NLRP7: variants seen among roughly 807,000 people sequenced by gnomAD.
NLRP7 encodes the protein NLR family pyrin domain containing 7.
NLRP7 carries 72 observed loss-of-function variants against 85.5 expected under a neutral mutation model. That is an observed-to-expected ratio of 0.84 (90% CI 0.70 to 1.02). The LOEUF is 1.02. Ranked by LOEUF, NLRP7 falls within the 50% of genes least tolerant of loss-of-function variation. The probability of loss-of-function intolerance (pLI) is 0.00; values close to 1 mark genes in which losing one functional copy is unlikely to be tolerated. For missense variants in NLRP7, 1,243 were observed against 1,219.5 expected, an observed-to-expected ratio of 1.02 and a Z score of -0.29; for synonymous variants, 550 against 505.2, an observed-to-expected ratio of 1.09 and a Z score of -1.19.
chr19:54,946,288 C>G (rs1436744129), intron 1 of NLRP7, among the ~76,000 whole-genome samples: 1 of 143,424 alleles, frequency 7.0e-6, no homozygotes, highest in Non-Finnish European at 1.5e-5. Context: ...CTCAGCTCAC[C>G]GCAACCTCCG....
chr19:54,924,160 G>T (rs1397556861), intron 9 of NLRP7, among the ~76,000 whole-genome samples: 1 of 152,094 alleles, frequency 6.6e-6, no homozygotes, highest in East Asian at 1.9e-4. Context: ...TAGAGATGGG[G>T]TTTCGACATG....
rs1268501689 is a variant in NLRP7, at chr19:54,934,732, CAG to C, written c.2301-75_2301-74del. ...CCCTATCAGCTTTTTTTTTTTGAGA[CAG>C]AGTTTCACTCTGTTGCCCAGTCTGG... is the stretch of plus-strand genomic sequence containing the variant. On this transcript the variant is annotated intron_variant, in intron 6 of 9. Transcript: ENST00000340844. The surrounding 1 kb of genome is among the most constrained non-coding windows in gnomAD (Gnocchi z 6.7). 4.8e-6 allele frequency: 6 copies of C among 1,244,916 alleles called. No homozygotes were observed. The highest frequency in any genetic ancestry group is 1.5e-5 in the African/African-American group (1 of 65,632). The allele number at this position is 1,244,916 out of a possible 1,614,324, so 77.1% of individuals were successfully genotyped here.
At chr19:54,952,558 C>T (rs976771115) in intron 1 of NLRP7, among the ~76,000 whole-genome samples, 6 of 150,654 alleles carry the variant, frequency 4.0e-5, no homozygotes, top group Admixed American at 3.3e-4. Flanking sequence ...CCTGCCACTG[C>T]ACTCCAGCCT....
intron 8 of NLRP7, among the ~76,000 whole-genome samples, chr19:54,932,979 C>G (rs1315709118): frequency 6.6e-6 from 1 of 152,124 alleles, no homozygotes; most frequent in Non-Finnish European, 1.5e-5. Context: ...ATAACTCAAT[C>G]TACCTCCAAT....
At chr19:54,926,205 G>GGGGTGT (rs375777486) in intron 9 of NLRP7, among the ~76,000 whole-genome samples, 40 of 143,744 alleles carry the variant, frequency 2.8e-4, no homozygotes, top group Non-Finnish European at 5.2e-4. Context: ...AATGATTAGG[G>GGGGTGT]GTGTGTGTGT....
chr19:54,946,886 C>T (rs1054221187), intron 1 of NLRP7, among the ~76,000 whole-genome samples: 1 of 152,072 alleles, frequency 6.6e-6, no homozygotes, highest in Non-Finnish European at 1.5e-5. Flanking sequence ...GTGATCCACC[C>T]GCCTCGGCCT....
intron 8 of NLRP7, among the ~76,000 whole-genome samples, 172 bp from the exon 9 acceptor site, chr19:54,930,838 C>T (rs1381084874): frequency 6.6e-6 from 1 of 152,046 alleles, no homozygotes; most frequent in Non-Finnish European, 1.5e-5. Context: ...GCCTCAGCCT[C>T]CCAAGTAGCT....
At chr19:54,965,273 C>T (rs1218114506) in intron 1 of NLRP7, 1 of 101,286 alleles carries the variant, frequency 9.9e-6, no homozygotes, top group Non-Finnish European at 2.1e-5. Flanking sequence ...AACGATTACG[C>T]CCCGAGGGCC....
chr19:54,965,557 G>C (rs2070336106), intron 1 of NLRP7, among the ~76,000 whole-genome samples: 2 of 82,220 alleles, frequency 2.4e-5, no homozygotes, highest in Non-Finnish European at 5.0e-5. Context: ...CCGGGTTCAC[G>C]CCATTCTCCT....
chr19:54,940,169 C>G (rs776575371), exon 4 of NLRP7: 23 of 1,614,198 alleles, frequency 1.4e-5, no homozygotes, highest in Non-Finnish European at 1.9e-5. Flanking sequence ...GGGGCCCATG[C>G]GGCTGAGCTC....
chr19:54,959,501 C>A (rs1313442371), intron 1 of NLRP7, among the ~76,000 whole-genome samples: 1 of 151,414 alleles, frequency 6.6e-6, no homozygotes, highest in African/African-American at 2.4e-5. Context: ...GAGACGGTTT[C>A]TCTCTTCCCT....
rs372128868 is a variant in NLRP7 at position 54,926,227 on chromosome 19, T to TGTGTGC, written c.2811-2356_2811-2355insGCACAC. Among the ~76,000 whole-genome samples, 625 of 150,824 alleles carry TGTGTGC rather than the reference T, an allele frequency of 4.1e-3. 12 individuals carry two copies. Among genetic ancestry groups the TGTGTGC allele is most frequent in the East Asian group, 9.1e-3 (46 of 5,030 alleles). ...AGGGGTGTGTGTGTGTGTGTGTGTG[T>TGTGTGC]GCTCATGCACACACATACACACAAG... On this transcript the variant is annotated intron_variant, in intron 9 of 9. Transcript: ENST00000340844.
At chr19:54,962,546 C>T (rs535442143) in intron 1 of NLRP7, among the ~76,000 whole-genome samples, 2 of 151,702 alleles carry the variant, frequency 1.3e-5, no homozygotes, top group Non-Finnish European at 2.9e-5. Flanking sequence ...GCTGGGATTA[C>T]AGGCATGAAT....
At chr19:54,923,731 C>T (rs1415101572) in exon 10 of NLRP7, 1 of 1,612,388 alleles carries the variant, frequency 6.2e-7, no homozygotes, top group Non-Finnish European at 8.5e-7. Context: ...TAGAGCGATC[C>T]CAGGCTGCTC....
intron 9 of NLRP7, 134 bp from the exon 11 acceptor site, chr19:54,924,006 T>C: frequency 1.1e-6 from 1 of 948,964 alleles, no homozygotes; most frequent in Non-Finnish European, 1.6e-6. Context: ...CTTGCTCTGT[T>C]GCCCAGGCTG....
At chr19:54,955,578 A>G (rs900791582) in intron 1 of NLRP7, among the ~76,000 whole-genome samples, 1 of 152,004 alleles carries the variant, frequency 6.6e-6, no homozygotes, top group Non-Finnish European at 1.5e-5. Flanking sequence ...TGGGTGAATC[A>G]TTTGAGGTCA....
At chr19:54,962,749 G>GCCA (rs2070096971) in intron 1 of NLRP7, among the ~76,000 whole-genome samples, 2 of 150,118 alleles carry the variant, frequency 1.3e-5, no homozygotes, top group Non-Finnish European at 3.0e-5. Context: ...ACAGGCGCCC[G>GCCA]CCACCACGCC....
exon 4 of NLRP7, chr19:54,939,073 C>G (rs1204983302): frequency 6.2e-7 from 1 of 1,614,098 alleles, no homozygotes; most frequent in Non-Finnish European, 8.5e-7. Flanking sequence ...CCTTCGCCAG[C>G]TCCTCCTCCT....
chr19:54,926,973 C>G (rs1250943109), intron 9 of NLRP7, among the ~76,000 whole-genome samples: 1 of 150,762 alleles, frequency 6.6e-6, no homozygotes. Context: ...ACCTGTAATC[C>G]CAGCTACTCA....
Sources: allele counts gnomAD v4.1 joint callset (sites outside exome capture counted in the v4.1 genomes callset), GRCh38; gene constraint gnomAD v4.1.1; non-coding constraint Gnocchi (gnomAD v3.1); transcripts MANE v1.5; gene names NCBI Gene and HGNC (gene_info 2026-07-23, HGNC 2026-07-21).